GAK: variants seen among roughly 807,000 people sequenced by gnomAD.
GAK encodes cyclin G associated kinase.
Under a neutral mutation model 143.9 loss-of-function variants are expected in GAK, and 79 were observed. That is an observed-to-expected ratio of 0.55 (90% CI 0.46 to 0.66). The LOEUF (loss-of-function observed/expected upper bound fraction) is 0.66. Ranked by LOEUF, GAK falls within the 30% of genes least tolerant of loss-of-function variation. GAK has a pLI of 0.00. For synonymous variants in GAK, 881 were observed against 765.5 expected (o/e 1.15, Z -2.49); for missense variants, 1,693 against 1,779.7 (o/e 0.95, Z 0.88).
At chr4:883,673 C>T (rs964355645) in intron 12 of GAK, among the ~76,000 whole-genome samples, 11 of 152,240 alleles carry the variant, frequency 7.2e-5, no homozygotes, top group East Asian at 5.8e-4. Context: ...GCCCATCAGC[C>T]GGTGGCTGGG....
chr4:857,016 C>A (rs1749410657), intron 24 of GAK, among the ~76,000 whole-genome samples: 1 of 152,212 alleles, frequency 6.6e-6, no homozygotes, highest in Non-Finnish European at 1.5e-5. Context: ...CCACATGACT[C>A]TTCAGCCAGT....
chr4:859,658 A>G lies in GAK; in HGVS notation c.3231T>C (p.Ser1077=). The change falls in exon 24 of 28, where the codon TCT becomes TCC. Residue 1077 remains serine, a synonymous_variant. Coordinates refer to ENST00000314167, the MANE Select transcript of GAK (RefSeq NM_005255.4). ...GGTCAGCAAATGGGTCCGGGTTCTG[A>G]GACTTGGTCCAGCTGGCCTGAGAGC... The part of the protein sequence containing the change: ...PCGSQASWTK[S]QNPDPFADLG... The G allele has an allele frequency of 6.2e-7, 1 of 1,604,032 alleles. No homozygotes were observed. The highest frequency in any genetic ancestry group is 8.5e-7 in the Non-Finnish European group (1 of 1,171,696).
chr4:857,895 G>A (rs1212444458), intron 24 of GAK, among the ~76,000 whole-genome samples: 9 of 152,312 alleles, frequency 5.9e-5, no homozygotes, highest in East Asian at 1.9e-4. Flanking sequence ...CCACGGCTGC[G>A]GGTGTCTCCA....
chr4:922,272 T>A (rs1724032745), intron 1 of GAK, among the ~76,000 whole-genome samples: 1 of 152,040 alleles, frequency 6.6e-6, no homozygotes, highest in Non-Finnish European at 1.5e-5. Flanking sequence ...CCCAGCACTT[T>A]CGGAGGCCGA....
At chr4:912,612 C>T (rs1338038188) in intron 3 of GAK, 123 bp downstream of exon 3, 8 of 714,106 alleles carry the variant, frequency 1.1e-5, no homozygotes, top group Admixed American at 5.3e-5. Context: ...AGCAAAAAGC[C>T]GATTTTAACA....
At chr4:917,055 G>A (rs1475813575) in intron 1 of GAK, among the ~76,000 whole-genome samples, 3 of 151,752 alleles carry the variant, frequency 2.0e-5, no homozygotes, top group Middle Eastern at 3.2e-3. Context: ...GCAGTATGCC[G>A]AGTAAAAGAT....
At chr4:901,362 C>T (rs961176790) in intron 5 of GAK, among the ~76,000 whole-genome samples, 3 of 150,778 alleles carry the variant, frequency 2.0e-5, no homozygotes, top group Non-Finnish European at 4.4e-5. Context: ...TGGAGAGCCA[C>T]GGCCTTGGGC....
intron 18 of GAK, chr4:872,355 C>G (rs191063277): frequency 6.6e-6 from 1 of 152,290 alleles, no homozygotes; most frequent in African/African-American, 2.4e-5. Flanking sequence ...GCACTCCAGC[C>G]GGGGCCAACA....
chr4:876,514 A>G lies in GAK; in HGVS notation c.2054+16T>C, dbSNP rs1427048463. 2 of 1,612,400 alleles carry G rather than the reference A, an allele frequency of 1.2e-6. No individual in the cohort carries two copies. Among genetic ancestry groups the G allele is most frequent in the Non-Finnish European group, 1.7e-6 (2 of 1,178,450 alleles). ...CACCTGTCCCTCCCCACCGAGCACA[A>G]GCGGTACCAACGTACTTGGCAAATT... On this transcript the variant is annotated intron_variant, in intron 18 of 27. Transcript: ENST00000314167.
chr4:893,851 G>A (rs771564661), intron 8 of GAK, 23 bp downstream of exon 8: 10 of 1,558,576 alleles, frequency 6.4e-6, no homozygotes, highest in African/African-American at 4.1e-5. Context: ...CCTGCCCCAC[G>A]CACGCATTCC....
At chr4:890,669 A>T (rs761410426) in intron 9 of GAK, 47 bp from the exon 10 acceptor site, 1 of 1,506,098 alleles carries the variant, frequency 6.6e-7, no homozygotes, top group South Asian at 1.2e-5. Flanking sequence ...CTGACAACTC[A>T]CGCCTGCCCA....
intron 1 of GAK, among the ~76,000 whole-genome samples, chr4:927,202 A>G (rs1191758735): frequency 2.2e-5 from 1 of 46,050 alleles, no homozygotes; most frequent in African/African-American, 8.6e-5. Context: ...TGCAGTCCGC[A>G]CTGCCCCGCA....
At chr4:863,535 C>T (rs1018976067) in intron 23 of GAK, among the ~76,000 whole-genome samples, 2 of 152,174 alleles carry the variant, frequency 1.3e-5, no homozygotes, top group African/African-American at 2.4e-5. Context: ...ACGTGGCAAA[C>T]TTCATCGTCT....
intron 1 of GAK, among the ~76,000 whole-genome samples, chr4:914,627 G>A (rs1193636406): frequency 4.4e-4 from 8 of 18,264 alleles, no homozygotes; most frequent in East Asian, 1.5e-3. Context: ...ACGGCCCCCC[G>A]CACTCAGCCC....
chr4:911,581 G>C (rs1425651927), intron 4 of GAK, 92 bp downstream of exon 4: 41 of 834,954 alleles, frequency 4.9e-5, no homozygotes, highest in South Asian at 4.6e-4. Flanking sequence ...AAGATGCCGG[G>C]CATGTTTCAC....
At chr4:864,869 T>C (rs143199131) in intron 23 of GAK, among the ~76,000 whole-genome samples, 278 of 152,352 alleles carry the variant, frequency 1.8e-3, no homozygotes, top group African/African-American at 6.5e-3. Context: ...TCGGGGGTGC[T>C]GCTGATGCTC....
chr4:877,656 G>C lies in GAK; in HGVS notation c.1815C>G (p.Asp605Glu). The C allele has an allele frequency of 6.2e-7, 1 of 1,607,646 alleles. No homozygotes were observed. The highest frequency in any genetic ancestry group is 1.1e-5 in the South Asian group (1 of 90,468). ...CCTGGGAGGTGCTGGCCACACGCTC[G>C]TCCCCCACGTAGACCTCGCAGAAGG... ...CRPFCEVYVG[D>E]ERVASTSQEY... is the part of the protein sequence containing the mutation. The change falls in exon 16 of 28, where the codon GAC (aspartate) becomes GAG (glutamate). Residue 605 changes from aspartate (D) to glutamate (E), a missense_variant. By Grantham distance (45) the Asp-to-Glu change is conservative (BLOSUM62 2). Around this residue, in one of 2 missense-constraint regions of GAK, gnomAD observed 871 missense variants for 991.0 expected, o/e 0.88. Coordinates refer to ENST00000314167, the MANE Select transcript of GAK (RefSeq NM_005255.4).
intron 1 of GAK, among the ~76,000 whole-genome samples, chr4:915,160 T>C (rs1722917172): frequency 7.6e-6 from 1 of 132,038 alleles, no homozygotes; most frequent in African/African-American, 2.9e-5. Context: ...AGCCCCAGTA[T>C]ACACGGCCCC....
chr4:859,794 G>A (rs1749958053), intron 23 of GAK, 72 bp from the exon 24 acceptor site: 1 of 1,101,986 alleles, frequency 9.1e-7, no homozygotes, highest in Admixed American at 2.2e-5. Context: ...GACCTCCGAT[G>A]GCGCCTCCTT....
Sources: gnomAD v4.1 joint callset for allele counts (sites outside exome capture counted in the v4.1 genomes callset) on GRCh38, gnomAD v4.1.1 for gene constraint, gnomAD v4.1.1 regional missense constraint, MANE v1.5 for transcripts, NCBI Gene and HGNC (gene_info 2026-07-23, HGNC 2026-07-21) for gene names.